RNF216: variants seen among roughly 807,000 people sequenced by gnomAD.
The protein encoded by RNF216 is E3 ubiquitin-protein ligase RNF216.
In RNF216, 72 loss-of-function variants were observed where a neutral mutation model predicts 110.8. The ratio of observed to expected loss-of-function variants is 0.65; its 90% confidence interval spans 0.54 to 0.79. The LOEUF (loss-of-function observed/expected upper bound fraction) is 0.79, where lower values mean the gene tolerates loss of function less well. RNF216 is among the 30% of genes least tolerant of loss of function. RNF216 has a pLI of 0.00. For missense variants in RNF216, 1,342 were observed against 1,141.2 expected (o/e 1.18, Z -2.54); for synonymous variants, 495 against 407.5 (o/e 1.21, Z -2.59).
intron 13 of RNF216, among the ~76,000 whole-genome samples, chr7:5,671,475 G>A (rs562803965): frequency 2.6e-5 from 4 of 152,244 alleles, no homozygotes; most frequent in Middle Eastern, 3.4e-3. Flanking sequence ...TGAGGCTGAT[G>A]GGGTGAGCGC....
chr7:5,738,383 T>C (rs1794557406), intron 5 of RNF216, among the ~76,000 whole-genome samples: 1 of 151,994 alleles, frequency 6.6e-6, no homozygotes, highest in African/African-American at 2.4e-5. Context: ...GAACCATATG[T>C]CTGGCCCGTA....
At position 5,748,611 on chromosome 7, in the gene RNF216, TACACACACACACACACAC is replaced by T. The variant is rs10588945; in HGVS notation, c.201+4217_201+4234del. Among the ~76,000 whole-genome samples, 409 of 143,152 alleles carry T rather than the reference TACACACACACACACACAC, an allele frequency of 2.9e-3. 1 individual carries two copies. The highest frequency in any genetic ancestry group is 8.9e-3 in the African/African-American group (345 of 38,766). 93.9% of individuals were successfully genotyped at this position (143,152 alleles called of 152,430 possible). On this transcript the variant is annotated intron_variant, in intron 3 of 16. Coordinates refer to ENST00000389902, the MANE Select transcript of RNF216 (RefSeq NM_207111.4). ...GAATGCAGTATATTTTTTATATACA[TACACACACACACACACAC>T]ACACACACACACACACACACACACA... is the stretch of plus-strand genomic sequence containing the variant.
chr7:5,761,656 C>CG (rs368288850), intron 1 of RNF216, among the ~76,000 whole-genome samples: 48 of 152,056 alleles, frequency 3.2e-4, no homozygotes, highest in African/African-American at 1.1e-3. Flanking sequence ...CGTGGTGGCA[C>CG]GTGCCTGTAA....
intron 10 of RNF216, among the ~76,000 whole-genome samples, chr7:5,715,916 T>C (rs903980992): frequency 2.6e-5 from 4 of 152,098 alleles, no homozygotes; most frequent in African/African-American, 9.7e-5. Context: ...TAATTTTTTG[T>C]ATTTTTAGTA....
chr7:5,710,885 C>A (rs1051488208), intron 13 of RNF216, among the ~76,000 whole-genome samples: 1 of 152,204 alleles, frequency 6.6e-6, no homozygotes, highest in African/African-American at 2.4e-5. Context: ...CTGCAAGATG[C>A]CAGCGACTGT....
At chr7:5,664,970 T>C (rs1418284631) in intron 13 of RNF216, among the ~76,000 whole-genome samples, 1 of 152,154 alleles carries the variant, frequency 6.6e-6, no homozygotes. Flanking sequence ...CTAATTTTTG[T>C]ATTTTTTAGG....
intron 9 of RNF216, among the ~76,000 whole-genome samples, chr7:5,718,516 A>G (rs571841488): frequency 6.6e-6 from 1 of 152,236 alleles, no homozygotes; most frequent in South Asian, 2.1e-4. Flanking sequence ...CAATTCTCTA[A>G]AAGTTCAAAA....
At chr7:5,660,955 T>TTTTTTTTTTTTTTTTTTTTTTC (rs1562800034) in intron 13 of RNF216, among the ~76,000 whole-genome samples, 3 of 145,596 alleles carry the variant, frequency 2.1e-5, no homozygotes, top group African/African-American at 8.0e-5. Context: ...TTTTTTTTTT[T>TTTTTTTTTTTTTTTTTTTTTTC]TTTTTTTTTT....
chr7:5,777,693 A>T (rs1448579162), intron 1 of RNF216: 2 of 152,262 alleles, frequency 1.3e-5, no homozygotes, highest in Non-Finnish European at 1.5e-5. Flanking sequence ...TGTTAACTTT[A>T]ATATGTGGAC....
At chr7:5,645,584 TTTC>T (rs1375390005) in intron 14 of RNF216, among the ~76,000 whole-genome samples, 4 of 152,030 alleles carry the variant, frequency 2.6e-5, no homozygotes, top group South Asian at 2.1e-4. Flanking sequence ...TTTCTGTTGG[TTTC>T]TTAATTTTTC....
At chr7:5,702,732 T>C (rs1270385585) in intron 13 of RNF216, among the ~76,000 whole-genome samples, 1 of 152,016 alleles carries the variant, frequency 6.6e-6, no homozygotes, top group Non-Finnish European at 1.5e-5. Context: ...TTTTAAATTT[T>C]AAAAAGTGAA....
intron 13 of RNF216, among the ~76,000 whole-genome samples, chr7:5,707,826 C>T (rs527963814): frequency 2.7e-5 from 4 of 150,096 alleles, no homozygotes; most frequent in Non-Finnish European, 5.9e-5. Context: ...CTGGTTCAAG[C>T]GATTCTCTCC....
intron 2 of RNF216, among the ~76,000 whole-genome samples, chr7:5,759,254 T>C (rs1439647261): frequency 6.6e-6 from 1 of 152,146 alleles, no homozygotes; most frequent in Non-Finnish European, 1.5e-5. Flanking sequence ...GCCTACAGAA[T>C]TGTGAACCAA....
In RNF216 at chr7:5,641,200, G is replaced by A. The variant is rs1389636524; in HGVS notation, c.2336C>T (p.Ala779Val). The change falls in exon 15 of 17, where the codon GCC (alanine) becomes GTC (valine). Residue 779 changes from alanine to valine, a missense_variant. By Grantham distance (64) the Ala-to-Val change is moderately conservative. Transcript: ENST00000389902. ...HFCQHPRSPG[A>V]PCQECSRCSL... ...GCATCTTGAACACTCCTGGCAAGGG[G>A]CTCCTGGTGAGCGGGGATGTTGGCA... 2 of 1,614,178 alleles carry A rather than the reference G, an allele frequency of 1.2e-6. No individual in the cohort carries two copies. Among genetic ancestry groups the A allele is most frequent in the Non-Finnish European group, 1.7e-6 (2 of 1,180,042 alleles).
chr7:5,775,818 T>C (rs1796743782), intron 1 of RNF216, among the ~76,000 whole-genome samples: 1 of 149,936 alleles, frequency 6.7e-6, no homozygotes. Flanking sequence ...GCAGTGAGCC[T>C]AGAATGCGCC....
chr7:5,781,527 C>T lies in RNF216; in HGVS notation c.-70+14G>A, dbSNP rs893501457. ...CGCCCAGGAGCTCGAGCGCGCCCCG[C>T]AGCCGACACTCACTCGTCACTCAAG... On this transcript the variant is annotated intron_variant, in intron 1 of 16. Coordinates refer to ENST00000389902, the MANE Select transcript of RNF216 (RefSeq NM_207111.4). 1.3e-5 allele frequency: 2 copies of T among 152,208 alleles called. No individual in the cohort carries two copies. Among genetic ancestry groups the T allele is most frequent in the Non-Finnish European group, 2.9e-5 (2 of 68,112 alleles). 9.4% of individuals were successfully genotyped at this position (152,208 alleles called of 1,614,324 possible). A position where few individuals can be genotyped will look rare whatever the true frequency, so the allele number is the denominator to read the frequency against.
intron 13 of RNF216, among the ~76,000 whole-genome samples, chr7:5,687,986 T>A (rs912629284): frequency 6.6e-6 from 1 of 152,210 alleles, no homozygotes; most frequent in African/African-American, 2.4e-5. Context: ...TTTTTTCTGT[T>A]TTCCAGGAGG....
intron 3 of RNF216, 27 bp downstream of exon 3, chr7:5,752,819 C>T (rs1795401203): frequency 2.5e-6 from 4 of 1,604,590 alleles, no homozygotes; most frequent in Non-Finnish European, 3.4e-6. Context: ...GCAATAATGT[C>T]TCATTGTAAG....
At chr7:5,717,254 GA>G (rs1445910049) in intron 9 of RNF216, among the ~76,000 whole-genome samples, 2 of 152,146 alleles carry the variant, frequency 1.3e-5, no homozygotes, top group East Asian at 3.9e-4. Flanking sequence ...TTGGGAGGCT[GA>G]AGCAGGAAGA....
Sources: gnomAD v4.1 joint callset for allele counts (sites outside exome capture counted in the v4.1 genomes callset) on GRCh38, gnomAD v4.1.1 for gene constraint, MANE v1.5 for transcripts, NCBI Gene and HGNC (gene_info 2026-07-23, HGNC 2026-07-21) for gene names.